The following LRRFIP1 variants were observed in gnomAD, a reference collection of about 807,000 sequenced individuals.
The protein encoded by LRRFIP1 is LRR binding FLII interacting protein 1, also known as leucine-rich repeat flightless-interacting protein 1.
In LRRFIP1, 62 loss-of-function variants were observed where a neutral mutation model predicts 104.4. That is an observed-to-expected ratio of 0.59 (90% CI 0.48 to 0.73). The LOEUF is 0.73. Ranked by LOEUF, LRRFIP1 falls within the 30% of genes least tolerant of loss-of-function variation. LRRFIP1 has a pLI of 0.00. For synonymous variants in LRRFIP1, 300 were observed against 299.0 expected, an observed-to-expected ratio of 1.00 and a Z score of -0.03; for missense variants, 796 against 824.5, an observed-to-expected ratio of 0.97 and a Z score of 0.42.
chr2:237,693,247 A>G (rs2149783915), intron 1 of LRRFIP1, among the ~76,000 whole-genome samples: 1 of 152,392 alleles, frequency 6.6e-6, no homozygotes, highest in African/African-American at 2.4e-5. Context: ...ATAAAACCCT[A>G]GCTTTCCACT....
intron 1 of LRRFIP1, among the ~76,000 whole-genome samples, chr2:237,698,083 A>G (rs2093309017): frequency 6.6e-6 from 1 of 152,216 alleles, no homozygotes; most frequent in African/African-American, 2.4e-5. Flanking sequence ...AGTAACATCA[A>G]TCATTTTGTT....
At position 237,717,879 on chromosome 2, in the gene LRRFIP1, G is replaced by A. The variant is rs946113706; in HGVS notation, c.249+70G>A. 1.5e-5 allele frequency: 17 copies of A among 1,139,754 alleles called. No individual in the cohort carries two copies. Among genetic ancestry groups the A allele is most frequent in the Non-Finnish European group, 2.1e-5 (16 of 746,992 alleles). 70.6% of individuals were successfully genotyped at this position (1,139,754 alleles called of 1,614,324 possible). A position where few individuals can be genotyped will look rare whatever the true frequency, so the allele number is the denominator to read the frequency against. On this transcript the variant is annotated intron_variant, in intron 4 of 23. Coordinates refer to ENST00000308482, the MANE Select transcript of LRRFIP1 (RefSeq NM_001137550.2). The surrounding 1 kb of genome is among the most constrained non-coding windows in gnomAD (Gnocchi z 4.2). ...TGAATACAGTGTTGAGACTTAAATG[G>A]TTTATAATGTAATTCTTACGCAGTT... is the stretch of plus-strand genomic sequence containing the variant.
chr2:237,767,412 A>G (rs2060313441), intron 19 of LRRFIP1, among the ~76,000 whole-genome samples: 1 of 152,218 alleles, frequency 6.6e-6, no homozygotes, highest in Non-Finnish European at 1.5e-5. Context: ...AAAAGCTTGG[A>G]TATTTTTCAG....
rs2058587873 is a variant in LRRFIP1 at position 237,751,200 on chromosome 2, G to A, written c.796G>A (p.Glu266Lys). ...DTEASIREIK[E>K]LNELKDQIQD... ...CTGCCTTTTTTGCCATTTCCCCCAG[G>A]AACTCAATGAGTTAAAGGACCAGAT... The change falls in exon 14 of 24, where the codon GAA becomes AAA. Residue 266 changes from glutamate to lysine, a missense_variant and splice_region_variant. Glu to Lys is a moderately conservative substitution (Grantham distance 56, BLOSUM62 1). Coordinates refer to ENST00000308482, the MANE Select transcript of LRRFIP1 (RefSeq NM_001137550.2). The A allele has an allele frequency of 6.2e-7, 1 of 1,605,194 alleles. No homozygotes were observed.
chr2:237,706,230 T>C (rs1267918780), intron 1 of LRRFIP1, among the ~76,000 whole-genome samples: 2 of 152,136 alleles, frequency 1.3e-5, no homozygotes, highest in Admixed American at 1.3e-4. Context: ...ACCAGAGTCT[T>C]GGGGACCAAC....
At chr2:237,681,444 G>A (rs781228193) in intron 1 of LRRFIP1, among the ~76,000 whole-genome samples, 4 of 151,878 alleles carry the variant, frequency 2.6e-5, no homozygotes, top group Admixed American at 1.3e-4. Flanking sequence ...TTGGCTCACT[G>A]CAACCTCCGC....
intron 1 of LRRFIP1, chr2:237,692,204 C>T (rs1215589549): frequency 2.1e-5 from 22 of 1,066,528 alleles, no homozygotes; most frequent in Non-Finnish European, 2.5e-5. Flanking sequence ...GCTTCCCCGG[C>T]GCCCTTCCAC....
At position 237,733,821 on chromosome 2, in the gene LRRFIP1, G is replaced by A. The variant is rs1177952234; in HGVS notation, c.489+3G>A. Reference sequence around the variant, plus strand: ...CCCGGCCTTCGGGGAGTTACCGGGTGCGTGTGCTGCCCACCCTGCTGCCCC... The same window carrying A: ...CCCGGCCTTCGGGGAGTTACCGGGTACGTGTGCTGCCCACCCTGCTGCCCC... On this transcript the variant is annotated splice_donor_region_variant and intron_variant, in intron 9 of 23. Transcript: ENST00000308482. The A allele has an allele frequency of 1.6e-5, 26 of 1,613,994 alleles. No individual in the cohort carries two copies. The highest frequency in any genetic ancestry group is 2.2e-5 in the Non-Finnish European group (26 of 1,179,864).
At chr2:237,771,320 A>C (rs987561800) in intron 20 of LRRFIP1, among the ~76,000 whole-genome samples, 2 of 142,482 alleles carry the variant, frequency 1.4e-5, no homozygotes, top group African/African-American at 5.3e-5. Context: ...AAAAAAAAAA[A>C]CCCATAAATT....
rs970014075 is a variant in LRRFIP1 at position 237,780,548 on chromosome 2, C to T, written c.*1016C>T. On this transcript the variant is annotated 3_prime_UTR_variant, in exon 24 of 24. Coordinates refer to ENST00000308482, the MANE Select transcript of LRRFIP1 (RefSeq NM_001137550.2). ...ATATCATCAAGGACAAAAGTAAAAA[C>T]GTTTAGCTACCTGCTGATTTTTAGT... is the stretch of plus-strand genomic sequence containing the variant. 1.1e-4 allele frequency among the ~76,000 whole-genome samples: 16 copies of T among 152,128 alleles called. No individual in the cohort carries two copies. Among genetic ancestry groups the T allele is most frequent in the Non-Finnish European group, 2.2e-4 (15 of 68,020 alleles).
chr2:237,742,019 G>A (rs2057158550), intron 11 of LRRFIP1, among the ~76,000 whole-genome samples: 1 of 152,126 alleles, frequency 6.6e-6, no homozygotes, highest in Admixed American at 6.5e-5. Context: ...ATATGATGAA[G>A]TCTCAAAATA....
At position 237,683,084 on chromosome 2, in the gene LRRFIP1, C is replaced by T. The variant is rs186643347; in HGVS notation, c.97-25460C>T. On this transcript the variant is annotated intron_variant, in intron 1 of 23. Coordinates refer to ENST00000308482, the MANE Select transcript of LRRFIP1 (RefSeq NM_001137550.2). ...GCCATCCTGCAATGCACAGGACAGC[C>T]GCCCACGACAAGGAACTGTGCAACC... Among the ~76,000 whole-genome samples the T allele has an allele frequency of 1.9e-4, 29 of 152,324 alleles. 1 individual carries two copies. Among genetic ancestry groups the T allele is most frequent in the Non-Finnish European group, 2.8e-4 (19 of 68,026 alleles).
chr2:237,739,107 C>A, intron 10 of LRRFIP1, 125 bp from the exon 11 acceptor site: 1 of 718,378 alleles, frequency 1.4e-6, no homozygotes, highest in Non-Finnish European at 2.3e-6. Flanking sequence ...CTTTTCCTTG[C>A]CGTGCGTGGC....
At chr2:237,666,767 C>T (rs13383779) in intron 1 of LRRFIP1, among the ~76,000 whole-genome samples, 3 of 124,926 alleles carry the variant, frequency 2.4e-5, no homozygotes, top group Non-Finnish European at 3.4e-5. Context: ...CTTTCTTTCT[C>T]TCTTTCTCTC....
intron 5 of LRRFIP1, among the ~76,000 whole-genome samples, chr2:237,719,979 G>A (rs531670288): frequency 6.6e-4 from 82 of 123,628 alleles, no homozygotes; most frequent in Non-Finnish European, 1.1e-3. Flanking sequence ...ACAGAGTCTC[G>A]CTTTGTCACC....
At position 237,699,712 on chromosome 2, in the gene LRRFIP1, G is replaced by A. The variant is rs565983939; in HGVS notation, c.97-8832G>A. 1.2e-4 allele frequency among the ~76,000 whole-genome samples: 18 copies of A among 152,338 alleles called. No homozygotes were observed. The South Asian group carries it at 1.9e-3, about 16-fold the overall frequency. On this transcript the variant is annotated intron_variant, in intron 1 of 23. Coordinates refer to ENST00000308482, the MANE Select transcript of LRRFIP1 (RefSeq NM_001137550.2). ...GGGAAAAGTTCTTCCCATCGCAGGC[G>A]TGTCTGAATGCGGGATGGTTGGCCG...
chr2:237,774,252 A>AT, intron 22 of LRRFIP1, 106 bp from the exon 23 acceptor site: 1 of 690,734 alleles, frequency 1.4e-6, no homozygotes, highest in South Asian at 1.8e-5. Context: ...TACATGGTGT[A>AT]TTCTCCCATT....
chr2:237,701,115 C>G (rs866498025), intron 1 of LRRFIP1, among the ~76,000 whole-genome samples: 2 of 152,220 alleles, frequency 1.3e-5, no homozygotes, highest in African/African-American at 4.8e-5. Flanking sequence ...GTGCCAGGAT[C>G]CCCTGAAGGA....
chr2:237,763,367 G>C, intron 19 of LRRFIP1: 9 of 1,614,062 alleles, frequency 5.6e-6, no homozygotes, highest in Non-Finnish European at 7.6e-6. Flanking sequence ...AGAGCCCGAT[G>C]AAGAAAAGAG....
Sources: gnomAD v4.1 joint callset for allele counts (sites outside exome capture counted in the v4.1 genomes callset) on GRCh38, gnomAD v4.1.1 for gene constraint, Gnocchi (gnomAD v3.1) non-coding constraint, MANE v1.5 for transcripts, NCBI Gene and HGNC (gene_info 2026-07-23, HGNC 2026-07-21) for gene names.